ARHGAP42: variants seen among roughly 807,000 people sequenced by gnomAD.
The protein encoded by ARHGAP42 is Rho GTPase activating protein 42.
In ARHGAP42, 63 loss-of-function variants were observed where a neutral mutation model predicts 125.0. The ratio of observed to expected loss-of-function variants is 0.50; its 90% CI spans 0.41 to 0.62. The LOEUF (loss-of-function observed/expected upper bound fraction) is 0.62. ARHGAP42 is among the 20% of genes least tolerant of loss of function. ARHGAP42 has a pLI of 0.00. For missense variants in ARHGAP42, 766 were observed against 1,024.2 expected, an observed-to-expected ratio of 0.75 and a Z score of 3.44; for synonymous variants, 339 against 351.0, an observed-to-expected ratio of 0.97 and a Z score of 0.38.
chr11:100,901,430 C>G (rs549172010), intron 4 of ARHGAP42, among the ~76,000 whole-genome samples: 3 of 152,296 alleles, frequency 2.0e-5, no homozygotes, highest in Non-Finnish European at 2.9e-5. Flanking sequence ...CTGGGAGAAC[C>G]ACTGCTCTCT....
chr11:100,806,860 T>C (rs1246619279), intron 3 of ARHGAP42, among the ~76,000 whole-genome samples: 1 of 151,320 alleles, frequency 6.6e-6, no homozygotes, highest in Non-Finnish European at 1.5e-5. Context: ...TTTATTTATT[T>C]ATTTTTGGGA....
intron 3 of ARHGAP42, among the ~76,000 whole-genome samples, chr11:100,818,823 A>G (rs1414532547): frequency 6.6e-6 from 1 of 152,002 alleles, no homozygotes; most frequent in Non-Finnish European, 1.5e-5. Context: ...GATATCTGAG[A>G]AAACTTAGCC....
intron 5 of ARHGAP42, among the ~76,000 whole-genome samples, chr11:100,920,179 A>G (rs1272838448): frequency 6.6e-6 from 1 of 152,132 alleles, no homozygotes; most frequent in African/African-American, 2.4e-5. Context: ...CTTCACATTT[A>G]TTAGCTTAAA....
intron 2 of ARHGAP42, among the ~76,000 whole-genome samples, chr11:100,790,207 G>T (rs1863532694): frequency 6.6e-6 from 1 of 152,120 alleles, no homozygotes; most frequent in African/African-American, 2.4e-5. Flanking sequence ...GACAGTTTAG[G>T]AATGTTTCAG....
intron 3 of ARHGAP42, among the ~76,000 whole-genome samples, chr11:100,802,263 T>C (rs1863873049): frequency 6.6e-6 from 1 of 152,184 alleles, no homozygotes; most frequent in Admixed American, 6.5e-5. Context: ...TGGAAAAGGA[T>C]GAAATGCTAA....
chr11:100,890,414 T>G (rs1227405449), intron 4 of ARHGAP42, among the ~76,000 whole-genome samples: 1 of 152,202 alleles, frequency 6.6e-6, no homozygotes, highest in Non-Finnish European at 1.5e-5. Context: ...TTTTAAGAAA[T>G]GTACTAAGTA....
chr11:100,892,907 C>T (rs970643586), intron 4 of ARHGAP42, among the ~76,000 whole-genome samples: 1 of 152,204 alleles, frequency 6.6e-6, no homozygotes, highest in Non-Finnish European at 1.5e-5. Context: ...CTAAATATCT[C>T]AGCTTCAGTC....
chr11:100,835,908 A>G (rs896507417), intron 3 of ARHGAP42, among the ~76,000 whole-genome samples: 1 of 152,108 alleles, frequency 6.6e-6, no homozygotes, highest in Non-Finnish European at 1.5e-5. Flanking sequence ...TTCTTATCAC[A>G]TGATTAACCA....
At chr11:100,736,746 G>T (rs1862076518) in intron 1 of ARHGAP42, among the ~76,000 whole-genome samples, 1 of 152,120 alleles carries the variant, frequency 6.6e-6, no homozygotes, top group Non-Finnish European at 1.5e-5. Flanking sequence ...AATAAGCTAA[G>T]CAGTTTGTCT....
intron 4 of ARHGAP42, among the ~76,000 whole-genome samples, chr11:100,867,773 A>G (rs1397351436): frequency 6.6e-6 from 1 of 152,232 alleles, no homozygotes; most frequent in Non-Finnish European, 1.5e-5. Flanking sequence ...TCAGCTTTCA[A>G]CATACCTTCC....
intron 4 of ARHGAP42, among the ~76,000 whole-genome samples, chr11:100,883,363 A>G (rs894487557): frequency 6.6e-6 from 1 of 152,148 alleles, no homozygotes; most frequent in South Asian, 2.1e-4. Context: ...TTTTTGAGAC[A>G]GAGTCTTGCT....
At chr11:100,857,341 TTGTTA>T (rs1213055905) in intron 3 of ARHGAP42, among the ~76,000 whole-genome samples, 11 of 152,126 alleles carry the variant, frequency 7.2e-5, no homozygotes, top group African/African-American at 2.7e-4. Context: ...TTATTCTGTT[TTGTTA>T]TATCATCTGG....
chr11:100,959,342 A>G (rs1239498444), intron 12 of ARHGAP42, among the ~76,000 whole-genome samples: 2 of 152,068 alleles, frequency 1.3e-5, no homozygotes, highest in African/African-American at 4.8e-5. Context: ...ATTATTTTAA[A>G]TATGGTAGCA....
chr11:100,963,482 C>G (rs1224362188), intron 16 of ARHGAP42, among the ~76,000 whole-genome samples: 2 of 152,156 alleles, frequency 1.3e-5, no homozygotes, highest in Admixed American at 6.6e-5. Flanking sequence ...TTATTTTTCA[C>G]AATCCAAGAA....
chr11:100,839,886 C>T (rs1040713674), intron 3 of ARHGAP42: 1 of 152,164 alleles, frequency 6.6e-6, no homozygotes, highest in African/African-American at 2.4e-5. Context: ...TCTTAAGATA[C>T]ATGGAGCTAA....
chr11:100,751,268 T>G (rs1862446230), intron 1 of ARHGAP42, among the ~76,000 whole-genome samples: 1 of 101,630 alleles, frequency 9.8e-6, no homozygotes, highest in African/African-American at 5.0e-5. Flanking sequence ...ATATATATAG[T>G]GTGTGTGTGT....
At chr11:100,750,184 T>C (rs954812477) in intron 1 of ARHGAP42, among the ~76,000 whole-genome samples, 4 of 152,200 alleles carry the variant, frequency 2.6e-5, no homozygotes, top group African/African-American at 7.2e-5. Context: ...GAATATAAAA[T>C]TTTATTTTTA....
At chr11:100,689,315 G>A (rs1861147418) in intron 1 of ARHGAP42, among the ~76,000 whole-genome samples, 1 of 152,142 alleles carries the variant, frequency 6.6e-6, no homozygotes, top group Admixed American at 6.5e-5. Context: ...AGTCTCGCGG[G>A]ACTAACCTCT....
chr11:100,770,237 G>C, intron 1 of ARHGAP42, 106 bp from the exon 2 acceptor site: 2 of 766,478 alleles, frequency 2.6e-6, no homozygotes, highest in Non-Finnish European at 4.1e-6. Flanking sequence ...AAAGGATTCT[G>C]GTTCATATAA....
Sources: allele counts gnomAD v4.1 joint callset (sites outside exome capture counted in the v4.1 genomes callset), GRCh38; gene constraint gnomAD v4.1.1; transcripts MANE v1.5; gene names NCBI Gene and HGNC (gene_info 2026-07-23, HGNC 2026-07-21).